The following ABHD18 variants were observed in gnomAD, a reference collection of about 807,000 sequenced individuals.
ABHD18 encodes abhydrolase domain containing 18.
Under a neutral mutation model 65.9 loss-of-function variants are expected in ABHD18, and 55 were observed. The observed-to-expected ratio is 0.84, with a 90% CI of 0.67 to 1.05. The LOEUF (loss-of-function observed/expected upper bound fraction) is 1.05. ABHD18 is among the 50% of genes least tolerant of loss of function. The pLI, the probability that ABHD18 is intolerant of heterozygous loss-of-function variation, is 0.00. For missense variants in ABHD18, 533 were observed against 558.5 expected, an observed-to-expected ratio of 0.95 and a Z score of 0.46; for synonymous variants, 181 against 180.2, an observed-to-expected ratio of 1.00 and a Z score of -0.04.
chr4:127,983,190 T>A (rs1475525160), intron 2 of ABHD18, 143 bp downstream of exon 2: 2 of 580,078 alleles, frequency 3.4e-6, no homozygotes, highest in Non-Finnish European at 5.9e-6. Flanking sequence ...TATTTCCTTT[T>A]TACTTTTGTC....
At position 128,039,461 on chromosome 4, in the gene ABHD18, G is replaced by A. The variant is rs1003156606; in HGVS notation, c.*3648G>A. 2.0e-5 allele frequency: 3 copies of A among 151,948 alleles called. No individual in the cohort carries two copies. The highest frequency in any genetic ancestry group is 7.2e-5 in the African/African-American group (3 of 41,398). 9.4% of individuals were successfully genotyped at this position (151,948 alleles called of 1,614,324 possible). On this transcript the variant is annotated 3_prime_UTR_variant, in exon 13 of 13. Coordinates refer to ENST00000645843, the MANE Select transcript of ABHD18 (RefSeq NM_001358451.3). ...TACTTTGTAGTTCCTGCTCAGCCCT[G>A]AAGACCTCTAAGTTTGAGACCCCTG...
chr4:128,016,374 A>G (rs897420957), intron 7 of ABHD18, among the ~76,000 whole-genome samples: 1 of 152,188 alleles, frequency 6.6e-6, no homozygotes, highest in African/African-American at 2.4e-5. Context: ...ATTTTATTAT[A>G]TTCATAAATT....
chr4:127,981,631 A>C (rs1236814425), intron 1 of ABHD18, among the ~76,000 whole-genome samples: 1 of 152,176 alleles, frequency 6.6e-6, no homozygotes, highest in African/African-American at 2.4e-5. Flanking sequence ...GGTGAACTGC[A>C]CTCAACACTG....
At chr4:128,034,957 A>G (rs1758717574) in intron 12 of ABHD18, among the ~76,000 whole-genome samples, 1 of 152,108 alleles carries the variant, frequency 6.6e-6, no homozygotes, top group Non-Finnish European at 1.5e-5. Flanking sequence ...CGGCCTGTCT[A>G]TTCCTTTTCA....
chr4:127,970,041 G>A (rs888660346), intron 1 of ABHD18, among the ~76,000 whole-genome samples: 6 of 151,586 alleles, frequency 4.0e-5, no homozygotes, highest in South Asian at 2.1e-4. Flanking sequence ...GAGCCACTGC[G>A]CCTGGCCAGG....
At chr4:127,984,682 C>T (rs1579193257) in intron 3 of ABHD18, among the ~76,000 whole-genome samples, 1 of 152,052 alleles carries the variant, frequency 6.6e-6, no homozygotes, top group Admixed American at 6.6e-5. Flanking sequence ...CATGGAGAAA[C>T]CCCGTCTCTG....
intron 1 of ABHD18, among the ~76,000 whole-genome samples, chr4:127,968,091 C>T (rs1464344822): frequency 2.6e-5 from 4 of 152,178 alleles, no homozygotes; most frequent in Non-Finnish European, 4.4e-5. Context: ...CGCCTGTAGT[C>T]CCAGCTACTC....
chr4:127,973,769 C>T (rs1310869580), intron 1 of ABHD18, among the ~76,000 whole-genome samples: 1 of 130,672 alleles, frequency 7.7e-6, no homozygotes, highest in African/African-American at 2.9e-5. Context: ...TGACAGGGGG[C>T]TGTGGATAGC....
At chr4:128,030,750 G>A in intron 12 of ABHD18, 78 bp downstream of exon 12, 1 of 1,515,600 alleles carries the variant, frequency 6.6e-7, no homozygotes, top group Non-Finnish European at 8.8e-7. Flanking sequence ...AAATGTAAAA[G>A]ATCACATATT....
intron 4 of ABHD18, among the ~76,000 whole-genome samples, chr4:127,997,951 G>A (rs1018161970): frequency 4.0e-5 from 6 of 151,494 alleles, no homozygotes; most frequent in African/African-American, 7.3e-5. Context: ...GTGCAGTAGC[G>A]CAATCACAGC....
intron 3 of ABHD18, 96 bp downstream of exon 3, chr4:127,984,519 C>A: frequency 1.6e-6 from 1 of 625,718 alleles, no homozygotes; most frequent in Admixed American, 3.1e-5. Context: ...ACAATAAACA[C>A]TAAAATATGA....
chr4:128,011,424 A>C (rs1275785030), intron 6 of ABHD18, among the ~76,000 whole-genome samples: 1 of 151,622 alleles, frequency 6.6e-6, no homozygotes, highest in Non-Finnish European at 1.5e-5. Flanking sequence ...CTGGGATTAC[A>C]GGCGTGAGCC....
At chr4:128,002,665 A>T (rs1250516711) in intron 4 of ABHD18, among the ~76,000 whole-genome samples, 2 of 151,980 alleles carry the variant, frequency 1.3e-5, no homozygotes, top group Non-Finnish European at 2.9e-5. Flanking sequence ...TTTGTTTGAG[A>T]CAGAGTCTCG....
At chr4:127,989,688 C>T in intron 3 of ABHD18, 33 bp from the exon 4 acceptor site, 2 of 1,403,216 alleles carry the variant, frequency 1.4e-6, no homozygotes, top group Non-Finnish European at 1.9e-6. Context: ...TCTTAGTTTT[C>T]TTGCATACAT....
chr4:128,039,448 C>T lies in ABHD18; in HGVS notation c.*3635C>T, dbSNP rs1759171046. The T allele has an allele frequency of 6.6e-6, 1 of 151,926 alleles. No homozygotes were observed. Among genetic ancestry groups the T allele is most frequent in the Non-Finnish European group, 1.5e-5 (1 of 67,968 alleles). 9.4% of individuals were successfully genotyped at this position (151,926 alleles called of 1,614,324 possible). ...CAGACAACTTCTCTACTTTGTAGTT[C>T]CTGCTCAGCCCTGAAGACCTCTAAG... On this transcript the variant is annotated 3_prime_UTR_variant, in exon 13 of 13. Transcript: ENST00000645843.
At chr4:127,994,967 C>T (rs776799195) in intron 4 of ABHD18, among the ~76,000 whole-genome samples, 12 of 152,130 alleles carry the variant, frequency 7.9e-5, no homozygotes, top group Non-Finnish European at 1.8e-4. Context: ...GCAACCTCTG[C>T]CTCCTGGGTT....
In ABHD18 at chr4:128,036,305, A is replaced by T. The variant is rs1055286228; in HGVS notation, c.*492A>T. On this transcript the variant is annotated 3_prime_UTR_variant, in exon 13 of 13. Transcript: ENST00000645843. ...AACTAATTTTCTGCTGTGGAAATAA[A>T]TACTTATGATATATAAAATCAGTGT... 4.6e-5 allele frequency: 7 copies of T among 152,196 alleles called. No individual in the cohort carries two copies. The highest frequency in any genetic ancestry group is 1.7e-4 in the African/African-American group (7 of 41,462). The allele number at this position is 152,196 out of a possible 1,614,324, so 9.4% of individuals were successfully genotyped here. A position where few individuals can be genotyped will look rare whatever the true frequency, so the allele number is the denominator to read the frequency against.
At chr4:127,994,989 C>T (rs928417060) in intron 4 of ABHD18, among the ~76,000 whole-genome samples, 2 of 152,170 alleles carry the variant, frequency 1.3e-5, no homozygotes, top group Non-Finnish European at 2.9e-5. Context: ...AAGAGATTCT[C>T]ATGTCTCAGC....
chr4:128,017,278 A>C, intron 7 of ABHD18, 85 bp from the exon 8 acceptor site: 1 of 1,300,810 alleles, frequency 7.7e-7, no homozygotes, highest in Non-Finnish European at 1.1e-6. Context: ...GAGATGCATG[A>C]AGTCTGGCAG....
Sources: allele counts gnomAD v4.1 joint callset (sites outside exome capture counted in the v4.1 genomes callset), GRCh38; gene constraint gnomAD v4.1.1; transcripts MANE v1.5; gene names NCBI Gene and HGNC (gene_info 2026-07-23, HGNC 2026-07-21).